Variants in IL1RAPL1 observed in about 807,000 individuals in gnomAD.
IL1RAPL1 encodes the protein interleukin-1 receptor accessory protein-like 1.
Under a neutral mutation model 48.4 loss-of-function variants are expected in IL1RAPL1, and 3 were observed. The ratio of observed to expected loss-of-function variants is 0.06; its 90% CI spans 0.03 to 0.16. The LOEUF (loss-of-function observed/expected upper bound fraction) is 0.16. Ranked by LOEUF, IL1RAPL1 falls within the 10% of genes least tolerant of loss-of-function variation. The probability of loss-of-function intolerance (pLI) is 1.00; values close to 1 mark genes in which losing one functional copy is unlikely to be tolerated. For synonymous variants in IL1RAPL1, 185 were observed against 187.7 expected (o/e 0.99, Z 0.12); for missense variants, 349 against 530.6 (o/e 0.66, Z 3.36).
At chrX:28,716,115 G>C (rs756360091) in intron 1 of IL1RAPL1, among the ~76,000 whole-genome samples, 2 of 111,970 alleles carry the variant, frequency 1.8e-5, no homozygotes, top group South Asian at 7.4e-4. Context: ...TGCAGAAAAG[G>C]CTTGTGACAA....
Position 29,172,538 on chromosome X carries a change from G to A in IL1RAPL1, c.83-110400G>A, listed in dbSNP as rs1349857986. On this transcript the variant is annotated intron_variant, in intron 2 of 10. Transcript: ENST00000378993. The stretch of plus-strand genomic sequence containing the variant: ...TTGTCTTGGTGTAGCTTGTTTATAT[G>A]TGACAAGAACCACAAAAATCTACTT... 5.4e-5 allele frequency among the ~76,000 whole-genome samples: 6 copies of A among 112,083 alleles called. No individual in the cohort carries two copies. The East Asian group carries it at 1.7e-3, about 31-fold the overall frequency.
At chrX:29,907,799 TATTAGC>T (rs754737954) in intron 6 of IL1RAPL1, among the ~76,000 whole-genome samples, 1 of 112,006 alleles carries the variant, frequency 8.9e-6, no homozygotes, top group Non-Finnish European at 1.9e-5. Context: ...ATTGGACTTT[TATTAGC>T]ATTAGCATTA....
intron 2 of IL1RAPL1, among the ~76,000 whole-genome samples, chrX:28,966,751 C>G (rs1440053539): frequency 8.9e-6 from 1 of 111,734 alleles, no homozygotes; most frequent in Non-Finnish European, 1.9e-5. Context: ...ATGTAAACGT[C>G]TACATTAAAC....
chrX:29,951,484 G>C (rs1933320506), intron 9 of IL1RAPL1, among the ~76,000 whole-genome samples: 1 of 111,077 alleles, frequency 9.0e-6, no homozygotes. Context: ...GGTAAATTTG[G>C]TGACTCTCTT....
intron 6 of IL1RAPL1, among the ~76,000 whole-genome samples, chrX:29,879,385 GTGTGTGTGTGTA>G (rs1220205545): frequency 1.2e-4 from 12 of 101,522 alleles, no homozygotes; most frequent in African/African-American, 3.9e-4. Flanking sequence ...GTGTGTGTGT[GTGTGTGTGTGTA>G]TATATATATA....
chrX:29,794,654 G>A (rs759408796), intron 6 of IL1RAPL1, among the ~76,000 whole-genome samples: 1 of 111,900 alleles, frequency 8.9e-6, no homozygotes, highest in East Asian at 2.8e-4. Flanking sequence ...TCCAAGAGAG[G>A]TTCATTATGA....
chrX:29,374,786 AAGTT>A (rs1428404755), intron 3 of IL1RAPL1, among the ~76,000 whole-genome samples: 5 of 110,492 alleles, frequency 4.5e-5, no homozygotes, highest in Non-Finnish European at 9.5e-5. Flanking sequence ...GAAGAAATAT[AAGTT>A]AGAGACAGGA....
At chrX:29,211,075 TAAAC>T (rs1930760105) in intron 2 of IL1RAPL1, among the ~76,000 whole-genome samples, 1 of 105,327 alleles carries the variant, frequency 9.5e-6, no homozygotes, top group Non-Finnish European at 2.0e-5. Flanking sequence ...CATCCCTTCT[TAAAC>T]ACACACACAC....
intron 2 of IL1RAPL1, among the ~76,000 whole-genome samples, chrX:29,186,219 A>T (rs185416605): frequency 4.5e-5 from 5 of 112,255 alleles, no homozygotes; most frequent in African/African-American, 1.6e-4. Flanking sequence ...AGCTAGATAC[A>T]TGCAGCAGAG....
At chrX:28,802,185 A>G in intron 2 of IL1RAPL1, among the ~76,000 whole-genome samples, 1 of 112,631 alleles carries the variant, frequency 8.9e-6, no homozygotes, top group Non-Finnish European at 1.9e-5. Context: ...CACACAGTAT[A>G]TCATTAGAAA....
chrX:29,400,559 A>G (rs748520813), intron 5 of IL1RAPL1, among the ~76,000 whole-genome samples: 1 of 112,107 alleles, frequency 8.9e-6, no homozygotes, highest in Non-Finnish European at 1.9e-5. Flanking sequence ...GTATGATCAT[A>G]CTTGTAAAAC....
At chrX:29,468,478 A>G (rs749816755) in intron 5 of IL1RAPL1, among the ~76,000 whole-genome samples, 9 of 111,947 alleles carry the variant, frequency 8.0e-5, no homozygotes, top group Non-Finnish European at 1.5e-4. Context: ...TATTATGTCC[A>G]CCGAAGGTGT....
chrX:28,930,162 TA>T, intron 2 of IL1RAPL1, among the ~76,000 whole-genome samples: 1 of 112,255 alleles, frequency 8.9e-6, no homozygotes, highest in Admixed American at 9.4e-5. Context: ...CAACAATCCT[TA>T]CTCTAATCCT....
intron 3 of IL1RAPL1, among the ~76,000 whole-genome samples, chrX:29,327,264 T>C (rs1325255342): frequency 1.8e-5 from 2 of 110,999 alleles, no homozygotes; most frequent in Non-Finnish European, 3.8e-5. Context: ...GAAATTCAAT[T>C]TATATTGTTT....
chrX:29,041,846 C>T (rs556518038), intron 2 of IL1RAPL1, among the ~76,000 whole-genome samples: 3 of 112,060 alleles, frequency 2.7e-5, no homozygotes, highest in South Asian at 3.7e-4. Context: ...ATTCTGTCAT[C>T]TCATCTGTAA....
chrX:29,800,486 T>C (rs774549452), intron 6 of IL1RAPL1, among the ~76,000 whole-genome samples: 1 of 80,326 alleles, frequency 1.2e-5, no homozygotes, highest in Non-Finnish European at 2.5e-5. Flanking sequence ...AGGAGACTCA[T>C]ATCCCAAATA....
rs1422651763 is a variant in IL1RAPL1 at position 29,924,197 on chromosome X, C to CTATT, written c.1057+4104_1057+4107dup. On this transcript the variant is annotated intron_variant, in intron 8 of 10. Coordinates refer to ENST00000378993, the MANE Select transcript of IL1RAPL1 (RefSeq NM_014271.4). ...TACTTAGCACCCAAAAAATGTTAAG[C>CTATT]TATTACAAGATTTCCTTGCTCTAAC... Among the ~76,000 whole-genome samples the CTATT allele has an allele frequency of 2.7e-4, 30 of 112,134 alleles. No individual in the cohort carries two copies. The South Asian group carries it at 5.9e-3, about 22-fold the overall frequency.
chrX:28,638,865 C>G (rs1934498902), intron 1 of IL1RAPL1, among the ~76,000 whole-genome samples: 1 of 110,962 alleles, frequency 9.0e-6, no homozygotes, highest in Non-Finnish European at 1.9e-5. Context: ...ATTAGAATCA[C>G]TCAAAATTGT....
In IL1RAPL1 at chrX:29,405,360, C is replaced by CTTTCTTTT. The variant is rs1377087452; in HGVS notation, c.703+6055_703+6056insCTTTTTTT. Among the ~76,000 whole-genome samples, 82 of 99,419 alleles carry CTTTCTTTT rather than the reference C, an allele frequency of 8.2e-4. 5 individuals carry two copies. Among genetic ancestry groups the CTTTCTTTT allele is most frequent in the African/African-American group, 2.9e-3 (65 of 22,121 alleles). The allele number at this position is 99,419 out of a possible 115,157, so 86.3% of individuals were successfully genotyped here. A position where few individuals can be genotyped will look rare whatever the true frequency, so the allele number is the denominator to read the frequency against. On this transcript the variant is annotated intron_variant, in intron 5 of 10. Transcript: ENST00000378993. The stretch of plus-strand genomic sequence containing the variant: ...ATAGATATGATATTTTCTCTGTGTT[C>CTTTCTTTT]TTTATTTATTTATTTATTTTTTTTG...
Sources: allele counts gnomAD v4.1 joint callset (sites outside exome capture counted in the v4.1 genomes callset), GRCh38; gene constraint gnomAD v4.1.1; transcripts MANE v1.5; gene names NCBI Gene and HGNC (gene_info 2026-07-23, HGNC 2026-07-21).